UBE2E3: variants seen among roughly 807,000 people sequenced by gnomAD.
UBE2E3 encodes the protein ubiquitin conjugating enzyme E2 E3.
In UBE2E3, 5 loss-of-function variants were observed where a neutral mutation model predicts 23.6. The observed-to-expected ratio is 0.21, with a 90% CI of 0.11 to 0.44. The LOEUF (loss-of-function observed/expected upper bound fraction) is 0.44. Among genes scored for constraint, UBE2E3 ranks in the 20% least tolerant of loss-of-function variants. The pLI, the probability that UBE2E3 is intolerant of heterozygous loss-of-function variation, is 0.99. For missense variants in UBE2E3, 81 were observed against 249.8 expected, an observed-to-expected ratio of 0.32 and a Z score of 4.55; for synonymous variants, 78 against 87.5, an observed-to-expected ratio of 0.89 and a Z score of 0.60.
At chr2:181,004,963 A>G (rs1385422510) in intron 3 of UBE2E3, among the ~76,000 whole-genome samples, 6 of 152,260 alleles carry the variant, frequency 3.9e-5, no homozygotes, top group Non-Finnish European at 7.3e-5. Flanking sequence ...TTTTATTTGC[A>G]TATACTTGCA....
At chr2:181,019,337 C>T (rs188800548) in intron 3 of UBE2E3, among the ~76,000 whole-genome samples, 117 of 152,262 alleles carry the variant, frequency 7.7e-4, no homozygotes, top group Non-Finnish European at 1.1e-3. Flanking sequence ...CATGTTCAGC[C>T]GGTGCTCAAA....
chr2:181,022,725 AAAAAAAC>A (rs574894298), intron 3 of UBE2E3, among the ~76,000 whole-genome samples: 34 of 152,166 alleles, frequency 2.2e-4, no homozygotes, highest in Admixed American at 4.6e-4. Context: ...TAGGCTGCAA[AAAAAAAC>A]AAAAAACAAA....
chr2:181,031,026 T>G (rs943641248), intron 3 of UBE2E3, among the ~76,000 whole-genome samples: 1 of 152,178 alleles, frequency 6.6e-6, no homozygotes, highest in Non-Finnish European at 1.5e-5. Flanking sequence ...TTTTTGTAAT[T>G]TTTTAGATTG....
chr2:180,992,837 T>G (rs889107315), intron 3 of UBE2E3, among the ~76,000 whole-genome samples: 1 of 89,534 alleles, frequency 1.1e-5, no homozygotes, highest in Non-Finnish European at 2.9e-5. Flanking sequence ...AATTTTGTAT[T>G]TTTTTTTTAG....
intron 3 of UBE2E3, among the ~76,000 whole-genome samples, chr2:180,996,028 G>C (rs1684812503): frequency 6.6e-6 from 1 of 151,838 alleles, no homozygotes; most frequent in Non-Finnish European, 1.5e-5. Flanking sequence ...TTTTCAGAAT[G>C]ATTGTCACTT....
intron 3 of UBE2E3, among the ~76,000 whole-genome samples, chr2:181,018,488 A>T (rs544907047): frequency 1.3e-5 from 2 of 151,872 alleles, no homozygotes; most frequent in East Asian, 3.9e-4. Context: ...CTTTCAGTGC[A>T]GTTAATCTAT....
chr2:181,042,047 T>C (rs1340161453), intron 3 of UBE2E3, among the ~76,000 whole-genome samples: 1 of 152,230 alleles, frequency 6.6e-6, no homozygotes, highest in African/African-American at 2.4e-5. Flanking sequence ...TTAATATTGG[T>C]AACTTAATAT....
At chr2:181,044,016 A>G (rs1388725678) in intron 3 of UBE2E3, among the ~76,000 whole-genome samples, 1 of 152,084 alleles carries the variant, frequency 6.6e-6, no homozygotes, top group Non-Finnish European at 1.5e-5. Context: ...TTTTTGTCCT[A>G]GGATAGCTTC....
At chr2:181,002,369 A>G (rs982973090) in intron 3 of UBE2E3, among the ~76,000 whole-genome samples, 5 of 152,208 alleles carry the variant, frequency 3.3e-5, no homozygotes, top group South Asian at 2.1e-4. Flanking sequence ...ATGAAAAAGT[A>G]TAGAAGGATA....
chr2:181,005,482 T>G (rs1685122956), intron 3 of UBE2E3, among the ~76,000 whole-genome samples: 1 of 152,216 alleles, frequency 6.6e-6, no homozygotes, highest in Non-Finnish European at 1.5e-5. Context: ...AAAGGTGAAC[T>G]GGGTTACCAC....
In UBE2E3 at chr2:181,015,783, T is replaced by C. The variant is rs76058359; in HGVS notation, c.245+31690T>C. ...GAATGCACAGAAGCCTGGACTGGAGTATAATCACTAAAATGATTACATGGT... is the reference window on the plus strand; with the variant it reads ...GAATGCACAGAAGCCTGGACTGGAGCATAATCACTAAAATGATTACATGGT... On this transcript the variant is annotated intron_variant, in intron 3 of 5. Coordinates refer to ENST00000410062, the MANE Select transcript of UBE2E3 (RefSeq NM_006357.4). 1.1e-4 allele frequency among the ~76,000 whole-genome samples: 16 copies of C among 152,152 alleles called. No homozygotes were observed. The East Asian group carries it at 3.1e-3, about 29-fold the overall frequency.
Position 181,036,856 on chromosome 2 carries a change from G to A in UBE2E3, c.246-20837G>A, listed in dbSNP as rs114003374. Among the ~76,000 whole-genome samples the A allele has an allele frequency of 2.1e-3, 326 of 152,246 alleles. 1 individual carries two copies. The highest frequency in any genetic ancestry group is 7.0e-3 in the African/African-American group (289 of 41,554). Reference sequence around the variant, plus strand: ...TGTTGTGACCAGAAATATGACATAGGAACTTAAATCTTGTTTATGTCAATT... The same window carrying A: ...TGTTGTGACCAGAAATATGACATAGAAACTTAAATCTTGTTTATGTCAATT... On this transcript the variant is annotated intron_variant, in intron 3 of 5. Transcript: ENST00000410062.
At chr2:181,024,334 C>T (rs1219986751) in intron 3 of UBE2E3, among the ~76,000 whole-genome samples, 1 of 152,044 alleles carries the variant, frequency 6.6e-6, no homozygotes, top group Admixed American at 6.6e-5. Context: ...CTTCATCCTA[C>T]GATTCTACCA....
At chr2:181,006,700 A>G (rs78913767) in intron 3 of UBE2E3, among the ~76,000 whole-genome samples, 35,203 of 151,836 alleles carry the variant, frequency 0.23, 4,415 homozygotes, top group Non-Finnish European at 0.28. Flanking sequence ...GATTTTTTCT[A>G]TATTTTTATT....
At chr2:181,057,578 T>C (rs557156246) in intron 3 of UBE2E3, 115 bp from the exon 4 acceptor site, 10 of 818,426 alleles carry the variant, frequency 1.2e-5, no homozygotes, top group African/African-American at 3.4e-5. Flanking sequence ...TTTATACTTA[T>C]TTTACTTCTT....
chr2:180,995,964 G>GT (rs1429042335), intron 3 of UBE2E3, among the ~76,000 whole-genome samples: 1 of 151,778 alleles, frequency 6.6e-6, no homozygotes, highest in Non-Finnish European at 1.5e-5. Context: ...TAATTTTTTT[G>GT]TCTTACCAGT....
chr2:181,052,517 A>T (rs746722439), intron 3 of UBE2E3, among the ~76,000 whole-genome samples: 9 of 151,904 alleles, frequency 5.9e-5, no homozygotes, highest in Non-Finnish European at 1.3e-4. Context: ...TTTAAGGTAT[A>T]TGCTCATTGC....
chr2:181,030,587 T>A (rs1440814664), intron 3 of UBE2E3, among the ~76,000 whole-genome samples: 2 of 152,210 alleles, frequency 1.3e-5, no homozygotes, highest in East Asian at 1.9e-4. Flanking sequence ...AGAAAAAAAA[T>A]TATTTTTTTA....
chr2:181,029,789 T>TG (rs1686017717), intron 3 of UBE2E3, among the ~76,000 whole-genome samples: 1 of 90,000 alleles, frequency 1.1e-5, no homozygotes, highest in South Asian at 3.3e-4. Context: ...TTAATATTGA[T>TG]GTTTGGCGTG....
Sources: allele counts gnomAD v4.1 joint callset (sites outside exome capture counted in the v4.1 genomes callset), GRCh38; gene constraint gnomAD v4.1.1; transcripts MANE v1.5; gene names NCBI Gene and HGNC (gene_info 2026-07-23, HGNC 2026-07-21).